The following PKP4 variants were observed in gnomAD, a reference collection of about 807,000 sequenced individuals.
PKP4 encodes the protein plakophilin 4, also known as plakophilin-4.
A neutral mutation model predicts 145.1 loss-of-function variants in PKP4; 90 were observed. That is an observed-to-expected ratio of 0.62 (90% CI 0.52 to 0.74). The LOEUF (loss-of-function observed/expected upper bound fraction) is 0.74, where lower values mean the gene tolerates loss of function less well. Among genes scored for constraint, PKP4 ranks in the 30% least tolerant of loss-of-function variants. The pLI, the probability that PKP4 is intolerant of heterozygous loss-of-function variation, is 0.00. For synonymous variants in PKP4, 563 were observed against 577.2 expected (o/e 0.98, Z 0.35); for missense variants, 1,340 against 1,482.7 (o/e 0.90, Z 1.58).
intron 2 of PKP4, among the ~76,000 whole-genome samples, chr2:158,554,550 C>T (rs1380367654): frequency 2.6e-5 from 4 of 151,798 alleles, no homozygotes; most frequent in African/African-American, 4.8e-5. Context: ...CTCAGCCTCC[C>T]GAGTAGCTGG....
chr2:158,526,375 G>C (rs1335639006), intron 1 of PKP4, among the ~76,000 whole-genome samples: 4 of 101,890 alleles, frequency 3.9e-5, no homozygotes, highest in Non-Finnish European at 6.0e-5. Flanking sequence ...CAGAGCCAAA[G>C]ACAAAAACCA....
chr2:158,490,334 G>C (rs1371390385), intron 1 of PKP4, among the ~76,000 whole-genome samples: 1 of 146,654 alleles, frequency 6.8e-6, no homozygotes, highest in Admixed American at 6.8e-5. Flanking sequence ...TAACAGACCT[G>C]GTCACCAAAT....
At chr2:158,462,374 T>C (rs1269221696) in intron 1 of PKP4, among the ~76,000 whole-genome samples, 1 of 3,926 alleles carries the variant, frequency 2.5e-4, no homozygotes, top group South Asian at 0.021. Flanking sequence ...AAATTTTTCT[T>C]AAGAAAAAAA....
At chr2:158,502,722 A>C (rs1190559667) in intron 1 of PKP4, among the ~76,000 whole-genome samples, 7 of 152,184 alleles carry the variant, frequency 4.6e-5, no homozygotes. Flanking sequence ...GATGGACACA[A>C]AAGGTGGTTC....
Position 158,543,676 on chromosome 2 carries a change from C to T in PKP4, c.132+10360C>T, listed in dbSNP as rs564116670. ...TGGATATCCAGAAATTACAATCCTG[C>T]AGAACAGCTCTTTACTCAAAGATGA... is the stretch of plus-strand genomic sequence containing the variant. On this transcript the variant is annotated intron_variant, in intron 2 of 21. Transcript: ENST00000389759. Among the ~76,000 whole-genome samples the T allele has an allele frequency of 5.9e-5, 9 of 152,214 alleles. No individual in the cohort carries two copies. In the South Asian group the frequency reaches 1.5e-3, roughly 25 times the overall value.
chr2:158,480,980 C>T (rs1249725306), intron 1 of PKP4, among the ~76,000 whole-genome samples: 1 of 152,078 alleles, frequency 6.6e-6, no homozygotes, highest in African/African-American at 2.4e-5. Flanking sequence ...TAGTACATGT[C>T]CTTTTGTGTC....
intron 1 of PKP4, among the ~76,000 whole-genome samples, chr2:158,480,270 CT>C (rs1693146842): frequency 6.6e-6 from 1 of 152,066 alleles, no homozygotes; most frequent in African/African-American, 2.4e-5. Context: ...AGAGTCTTAC[CT>C]TGTAGCCCAG....
chr2:158,500,426 C>T (rs1251092350), intron 1 of PKP4, among the ~76,000 whole-genome samples: 1 of 152,178 alleles, frequency 6.6e-6, no homozygotes, highest in Non-Finnish European at 1.5e-5. Context: ...AAAGATAACC[C>T]ATCCTCATTA....
chr2:158,491,289 A>G (rs531262123), intron 1 of PKP4, among the ~76,000 whole-genome samples: 2 of 152,324 alleles, frequency 1.3e-5, no homozygotes, highest in East Asian at 1.9e-4. Flanking sequence ...GAATTGCTGC[A>G]TCATAGACTA....
At chr2:158,464,555 G>A (rs1690289295) in intron 1 of PKP4, among the ~76,000 whole-genome samples, 1 of 152,198 alleles carries the variant, frequency 6.6e-6, no homozygotes, top group Non-Finnish European at 1.5e-5. Flanking sequence ...CTTTGCTAAT[G>A]CAATAAGCAC....
intron 11 of PKP4, among the ~76,000 whole-genome samples, chr2:158,645,239 G>A (rs1282486835): frequency 3.3e-5 from 5 of 152,084 alleles, no homozygotes; most frequent in Non-Finnish European, 5.9e-5. Flanking sequence ...ATGCTTTTGA[G>A]GCATCTCACC....
intron 3 of PKP4, among the ~76,000 whole-genome samples, chr2:158,599,175 C>T (rs962598460): frequency 2.0e-5 from 3 of 152,042 alleles, no homozygotes; most frequent in East Asian, 1.9e-4. Context: ...GTAGTAGCAG[C>T]GTGGAAGAGA....
At chr2:158,523,887 G>A (rs986615290) in intron 1 of PKP4, among the ~76,000 whole-genome samples, 38 of 140,670 alleles carry the variant, frequency 2.7e-4, no homozygotes, top group African/African-American at 8.0e-4. Flanking sequence ...TATCAGCAAC[G>A]GAAGATGAAA....
intron 11 of PKP4, among the ~76,000 whole-genome samples, chr2:158,648,751 C>A (rs1242764178): frequency 2.0e-5 from 3 of 152,202 alleles, no homozygotes; most frequent in Non-Finnish European, 4.4e-5. Context: ...GTAATCCCCA[C>A]ACTTTGGGAG....
At chr2:158,505,692 A>T (rs2040910184) in intron 1 of PKP4, among the ~76,000 whole-genome samples, 1 of 152,100 alleles carries the variant, frequency 6.6e-6, no homozygotes, top group African/African-American at 2.4e-5. Flanking sequence ...AAGGGGGTTC[A>T]TCAGGATCAG....
chr2:158,574,016 T>C (rs1418959921), intron 2 of PKP4, among the ~76,000 whole-genome samples: 2 of 152,242 alleles, frequency 1.3e-5, no homozygotes, highest in Non-Finnish European at 2.9e-5. Flanking sequence ...AGTGTAGCTC[T>C]GTCTACCAAA....
At chr2:158,537,754 A>G (rs1242144077) in intron 2 of PKP4, among the ~76,000 whole-genome samples, 1 of 152,156 alleles carries the variant, frequency 6.6e-6, no homozygotes, top group Non-Finnish European at 1.5e-5. Flanking sequence ...AGCGCTGGGC[A>G]TGGTGGTTCA....
chr2:158,507,778 T>TG lies in PKP4; in HGVS notation c.-5-25395dup, dbSNP rs960537733. Among the ~76,000 whole-genome samples the TG allele has an allele frequency of 1.2e-4, 19 of 152,200 alleles. No individual in the cohort carries two copies. The East Asian group carries it at 1.4e-3, about 11-fold the overall frequency. ...TGAGCAGTCTGATAAGAAGGTAGTGTGGGGGGGTCTCCGGGTCCACAGAAT... is the reference window on the plus strand; with the variant it reads ...TGAGCAGTCTGATAAGAAGGTAGTGTGGGGGGGGTCTCCGGGTCCACAGAAT... On this transcript the variant is annotated intron_variant, in intron 1 of 21. Transcript: ENST00000389759.
intron 10 of PKP4, among the ~76,000 whole-genome samples, chr2:158,641,053 T>C (rs983390576): frequency 1.3e-5 from 2 of 152,270 alleles, no homozygotes; most frequent in South Asian, 2.1e-4. Flanking sequence ...AAAAATATTT[T>C]AGGCCAGGCA....
Sources: allele counts gnomAD v4.1 joint callset (sites outside exome capture counted in the v4.1 genomes callset), GRCh38; gene constraint gnomAD v4.1.1; transcripts MANE v1.5; gene names NCBI Gene and HGNC (gene_info 2026-07-23, HGNC 2026-07-21).